The following CACNA2D3 variants were observed in gnomAD, a reference collection of about 807,000 sequenced individuals.
CACNA2D3 encodes voltage-dependent calcium channel subunit alpha-2/delta-3.
CACNA2D3 carries 60 observed loss-of-function variants against 160.6 expected under a neutral mutation model. The observed-to-expected ratio is 0.37, with a 90% CI of 0.30 to 0.46. CACNA2D3 has a LOEUF of 0.46. Among genes scored for constraint, CACNA2D3 ranks in the 20% least tolerant of loss-of-function variants. The probability of loss-of-function intolerance (pLI) is 1.00; values close to 1 mark genes in which losing one functional copy is unlikely to be tolerated. For missense variants in CACNA2D3, 1,205 were observed against 1,365.0 expected, an observed-to-expected ratio of 0.88 and a Z score of 1.85; for synonymous variants, 558 against 492.9, an observed-to-expected ratio of 1.13 and a Z score of -1.75.
intron 11 of CACNA2D3, among the ~76,000 whole-genome samples, chr3:54,702,132 A>G (rs1169483863): frequency 6.6e-6 from 1 of 152,172 alleles, no homozygotes; most frequent in Non-Finnish European, 1.5e-5. Flanking sequence ...AAAGACTTAA[A>G]AGTAAAACCT....
intron 27 of CACNA2D3, among the ~76,000 whole-genome samples, chr3:54,959,815 T>C (rs1343364092): frequency 6.6e-6 from 1 of 152,186 alleles, no homozygotes; most frequent in Non-Finnish European, 1.5e-5. Flanking sequence ...GAGCATAAAA[T>C]GATCTGACAA....
intron 2 of CACNA2D3, among the ~76,000 whole-genome samples, chr3:54,226,595 G>T (rs1701677998): frequency 6.6e-6 from 1 of 152,046 alleles, no homozygotes; most frequent in African/African-American, 2.4e-5. Flanking sequence ...GAGCCACCAT[G>T]CCTGGCCTGC....
intron 3 of CACNA2D3, among the ~76,000 whole-genome samples, chr3:54,328,016 G>C (rs1559451093): frequency 6.6e-6 from 1 of 152,176 alleles, no homozygotes; most frequent in Non-Finnish European, 1.5e-5. Flanking sequence ...GTGTTTCACG[G>C]TTATAAGCAA....
chr3:54,761,208 C>T (rs1553835897), intron 12 of CACNA2D3, among the ~76,000 whole-genome samples: 2 of 152,090 alleles, frequency 1.3e-5, no homozygotes, highest in South Asian at 4.1e-4. Flanking sequence ...TACAGGCAAC[C>T]AAGAAGAACT....
chr3:54,659,087 G>A (rs1699924053), intron 11 of CACNA2D3, among the ~76,000 whole-genome samples: 2 of 151,956 alleles, frequency 1.3e-5, no homozygotes, highest in African/African-American at 4.8e-5. Context: ...ATTTAAAGTT[G>A]TCCCCTGTCC....
intron 31 of CACNA2D3, among the ~76,000 whole-genome samples, chr3:54,993,844 C>CTG (rs1201991757): frequency 6.8e-6 from 1 of 148,104 alleles, no homozygotes; most frequent in East Asian, 2.0e-4. Context: ...TTATCTGTCT[C>CTG]TCTCTCTCTC....
intron 12 of CACNA2D3, among the ~76,000 whole-genome samples, chr3:54,761,497 G>A (rs1313975372): frequency 6.6e-6 from 1 of 152,320 alleles, no homozygotes; most frequent in South Asian, 2.1e-4. Flanking sequence ...TATGTGGCAT[G>A]TTCCCTATCC....
intron 27 of CACNA2D3, among the ~76,000 whole-genome samples, chr3:54,940,444 T>C (rs996142171): frequency 2.0e-5 from 3 of 152,228 alleles, no homozygotes; most frequent in African/African-American, 7.2e-5. Flanking sequence ...CTCACTGATA[T>C]TTTATTAAGC....
At chr3:54,130,257 G>T (rs1699682165) in intron 2 of CACNA2D3, among the ~76,000 whole-genome samples, 1 of 152,212 alleles carries the variant, frequency 6.6e-6, no homozygotes, top group African/African-American at 2.4e-5. Flanking sequence ...GCTCCATTCA[G>T]TCTAGGAGGC....
intron 17 of CACNA2D3, among the ~76,000 whole-genome samples, chr3:54,858,768 C>T (rs1214358828): frequency 1.3e-5 from 2 of 152,150 alleles, no homozygotes; most frequent in African/African-American, 4.8e-5. Flanking sequence ...TAAAACCCTA[C>T]AGCTGGATCT....
chr3:54,476,824 A>G (rs1383549445), intron 4 of CACNA2D3, among the ~76,000 whole-genome samples: 1 of 152,178 alleles, frequency 6.6e-6, no homozygotes, highest in Non-Finnish European at 1.5e-5. Context: ...TATTGAATAT[A>G]TGGTTTACAA....
intron 35 of CACNA2D3, among the ~76,000 whole-genome samples, chr3:55,067,741 A>ATACATACATACT (rs1173837602): frequency 1.5e-3 from 222 of 152,280 alleles, no homozygotes; most frequent in Non-Finnish European, 2.4e-3. Flanking sequence ...ACATACATAC[A>ATACATACATACT]TACATAAAGA....
intron 2 of CACNA2D3, among the ~76,000 whole-genome samples, chr3:54,307,653 C>T (rs1703644312): frequency 6.6e-6 from 1 of 152,200 alleles, no homozygotes; most frequent in Non-Finnish European, 1.5e-5. Context: ...GTTAAAGAAT[C>T]ATTCAGATGC....
chr3:54,144,291 C>G (rs1215359540), intron 2 of CACNA2D3, among the ~76,000 whole-genome samples: 4 of 152,176 alleles, frequency 2.6e-5, no homozygotes, highest in Non-Finnish European at 5.9e-5. Flanking sequence ...CAGTGTGGAG[C>G]ATGAAGGTTG....
chr3:54,894,623 T>C (rs1482808153), intron 25 of CACNA2D3: 1 of 515,522 alleles, frequency 1.9e-6, no homozygotes, highest in East Asian at 5.5e-5. Context: ...CTGCTGGGAG[T>C]GCGAACACCT....
At chr3:55,045,754 C>A (rs1166593364) in intron 35 of CACNA2D3, among the ~76,000 whole-genome samples, 2 of 151,290 alleles carry the variant, frequency 1.3e-5, no homozygotes, top group African/African-American at 4.8e-5. Flanking sequence ...TTCTTTCTTA[C>A]TAATAGTTTT....
At chr3:55,043,456 T>C (rs974073372) in intron 35 of CACNA2D3, among the ~76,000 whole-genome samples, 5 of 152,118 alleles carry the variant, frequency 3.3e-5, no homozygotes, top group African/African-American at 1.2e-4. Flanking sequence ...CTACATCTTA[T>C]TCAATATCTG....
chr3:54,974,933 C>T (rs1363532415), intron 29 of CACNA2D3, among the ~76,000 whole-genome samples: 1 of 152,150 alleles, frequency 6.6e-6, no homozygotes, highest in Non-Finnish European at 1.5e-5. Flanking sequence ...AAATAGTTCC[C>T]ATTTCCTTTT....
intron 2 of CACNA2D3, among the ~76,000 whole-genome samples, chr3:54,306,820 T>G (rs1482413638): frequency 6.6e-6 from 1 of 152,180 alleles, no homozygotes; most frequent in Non-Finnish European, 1.5e-5. Context: ...CTGTGTGTGT[T>G]AATTTCCTCA....
Sources: gnomAD v4.1 joint callset for allele counts (sites outside exome capture counted in the v4.1 genomes callset) on GRCh38, gnomAD v4.1.1 for gene constraint, MANE v1.5 for transcripts, NCBI Gene and HGNC (gene_info 2026-07-23, HGNC 2026-07-21) for gene names.